Variants in GABRB2 observed in about 807,000 individuals in gnomAD.
The protein encoded by GABRB2 is gamma-aminobutyric acid receptor subunit beta-2.
A neutral mutation model predicts 54.7 loss-of-function variants in GABRB2; 16 were observed. The ratio of observed to expected loss-of-function variants is 0.29; its 90% CI spans 0.20 to 0.44. The LOEUF is 0.44. Ranked by LOEUF, GABRB2 falls within the 20% of genes least tolerant of loss-of-function variation. The probability of loss-of-function intolerance (pLI) is 1.00; values close to 1 mark genes in which losing one functional copy is unlikely to be tolerated. For synonymous variants in GABRB2, 244 were observed against 233.8 expected, an observed-to-expected ratio of 1.04 and a Z score of -0.40; for missense variants, 355 against 644.0, an observed-to-expected ratio of 0.55 and a Z score of 4.86.
intron 5 of GABRB2, among the ~76,000 whole-genome samples, chr5:161,352,077 C>T (rs928338398): frequency 2.6e-5 from 4 of 151,794 alleles, no homozygotes; most frequent in Non-Finnish European, 5.9e-5. Context: ...GTGGAGAAAA[C>T]GGGACCCTTA....
intron 5 of GABRB2, among the ~76,000 whole-genome samples, chr5:161,350,618 A>G (rs1303753525): frequency 6.6e-6 from 1 of 152,090 alleles, no homozygotes; most frequent in African/African-American, 2.4e-5. Flanking sequence ...GTTCCTGAAT[A>G]TGTCTGTGAG....
intron 5 of GABRB2, among the ~76,000 whole-genome samples, chr5:161,394,384 C>A (rs1285942040): frequency 6.6e-6 from 1 of 151,694 alleles, no homozygotes; most frequent in Admixed American, 6.6e-5. Flanking sequence ...GAAATAAAAA[C>A]TAGAAAATAG....
At chr5:161,456,423 A>G (rs1366004238) in intron 4 of GABRB2, among the ~76,000 whole-genome samples, 1 of 152,218 alleles carries the variant, frequency 6.6e-6, no homozygotes, top group Non-Finnish European at 1.5e-5. Context: ...GCCTGTACTT[A>G]TGGACTAATA....
intron 3 of GABRB2, among the ~76,000 whole-genome samples, chr5:161,506,349 C>T (rs746845480): frequency 2.0e-5 from 3 of 152,062 alleles, no homozygotes. Flanking sequence ...TAAGGTAAAA[C>T]TCCCATTAGG....
intron 5 of GABRB2, among the ~76,000 whole-genome samples, chr5:161,373,468 A>T (rs536218773): frequency 1.4e-4 from 22 of 152,070 alleles, no homozygotes; most frequent in African/African-American, 4.6e-4. Context: ...AACCTCATCT[A>T]AAAAAAACCC....
chr5:161,434,978 GTCAGGTTACTATCATTA>G (rs1026774249), intron 4 of GABRB2, among the ~76,000 whole-genome samples: 1 of 152,160 alleles, frequency 6.6e-6, no homozygotes, highest in African/African-American at 2.4e-5. Context: ...TGGGTCAGAA[GTCAGGTTACTATCATTA>G]TCACAATGCG....
chr5:161,418,847 C>G (rs1278364283), intron 4 of GABRB2, among the ~76,000 whole-genome samples: 2 of 152,112 alleles, frequency 1.3e-5, no homozygotes, highest in African/African-American at 4.8e-5. Context: ...AGATTTCTGG[C>G]CAAGTGCTAT....
chr5:161,329,417 A>C (rs1358430239), intron 8 of GABRB2: 1 of 152,120 alleles, frequency 6.6e-6, no homozygotes, highest in Non-Finnish European at 1.5e-5. Flanking sequence ...AATTTCCTAG[A>C]CCCTTACGGT....
At chr5:161,414,740 T>C (rs1198477879) in intron 4 of GABRB2, among the ~76,000 whole-genome samples, 1 of 151,218 alleles carries the variant, frequency 6.6e-6, no homozygotes, top group Non-Finnish European at 1.5e-5. Context: ...TATTAATTAT[T>C]ATTATAATAA....
chr5:161,427,957 G>T (rs1309605149), intron 4 of GABRB2, among the ~76,000 whole-genome samples: 1 of 152,108 alleles, frequency 6.6e-6, no homozygotes, highest in Admixed American at 6.6e-5. Context: ...AAGATGCATT[G>T]TACTGCTGTG....
At chr5:161,500,287 T>C (rs1581037227) in intron 3 of GABRB2, among the ~76,000 whole-genome samples, 1 of 152,140 alleles carries the variant, frequency 6.6e-6, no homozygotes, top group East Asian at 1.9e-4. Flanking sequence ...GGTTGGTTGG[T>C]TGGCTTTTTT....
chr5:161,310,426 G>A (rs1479222604), intron 9 of GABRB2, among the ~76,000 whole-genome samples: 1 of 152,216 alleles, frequency 6.6e-6, no homozygotes, highest in African/African-American at 2.4e-5. Flanking sequence ...TGTTGCTACT[G>A]GAAGCCACCT....
Position 161,501,898 on chromosome 5 carries a change from T to C in GABRB2, c.238-42054A>G, listed in dbSNP as rs564287686. On this transcript the variant is annotated intron_variant, in intron 3 of 9. Coordinates refer to ENST00000393959, the MANE Select transcript of GABRB2 (RefSeq NM_001371727.1). The stretch of plus-strand genomic sequence containing the variant: ...AAAATATAAAATATCTTAATAAACA[T>C]TTCATTATTAAAATTATTTTATATA... Among the ~76,000 whole-genome samples, 9 of 148,948 alleles carry C rather than the reference T, an allele frequency of 6.0e-5. No individual in the cohort carries two copies. In the South Asian group the frequency reaches 1.9e-3, roughly 31 times the overall value.
At chr5:161,333,040 T>A (rs930793570) in intron 7 of GABRB2, among the ~76,000 whole-genome samples, 2 of 152,200 alleles carry the variant, frequency 1.3e-5, no homozygotes, top group African/African-American at 4.8e-5. Flanking sequence ...AAAACTGACA[T>A]TGCTGATTTT....
At chr5:161,469,961 C>T (rs968703738) in intron 3 of GABRB2, among the ~76,000 whole-genome samples, 4 of 151,940 alleles carry the variant, frequency 2.6e-5, no homozygotes, top group African/African-American at 9.7e-5. Context: ...GAGTTTCAGA[C>T]ATCCTATGCA....
At chr5:161,505,128 T>G (rs1759567368) in intron 3 of GABRB2, among the ~76,000 whole-genome samples, 2 of 151,528 alleles carry the variant, frequency 1.3e-5, no homozygotes, top group Non-Finnish European at 2.9e-5. Context: ...TTTTTTTGTT[T>G]GTTTGTTTGT....
intron 5 of GABRB2, among the ~76,000 whole-genome samples, chr5:161,381,688 T>C (rs902813817): frequency 2.0e-5 from 3 of 152,260 alleles, no homozygotes; most frequent in African/African-American, 7.2e-5. Flanking sequence ...ACACTGTCCA[T>C]GGATCTCCAT....
At position 161,356,086 on chromosome 5, in the gene GABRB2, G is replaced by A. The variant is rs919623391; in HGVS notation, c.542-19317C>T. On this transcript the variant is annotated intron_variant, in intron 5 of 9. Transcript: ENST00000393959. ...GATGAGGTGATTTAAATTGAAAACA[G>A]AATTTAGAGCCAATGACATACACAT... Among the ~76,000 whole-genome samples, 11 of 152,206 alleles carry A rather than the reference G, an allele frequency of 7.2e-5. No homozygotes were observed. In the South Asian group the frequency reaches 2.3e-3, roughly 32 times the overall value.
At chr5:161,397,659 C>G (rs1756045691) in intron 5 of GABRB2, among the ~76,000 whole-genome samples, 1 of 152,132 alleles carries the variant, frequency 6.6e-6, no homozygotes. Context: ...TGTATAAACA[C>G]TTCTCTTAAT....
Sources: gnomAD v4.1 joint callset for allele counts (sites outside exome capture counted in the v4.1 genomes callset) on GRCh38, gnomAD v4.1.1 for gene constraint, MANE v1.5 for transcripts, NCBI Gene and HGNC (gene_info 2026-07-23, HGNC 2026-07-21) for gene names.